The following KCNK10 variants were observed in gnomAD, a reference collection of about 807,000 sequenced individuals.
KCNK10 encodes the protein potassium channel subfamily K member 10.
A neutral mutation model predicts 47.7 loss-of-function variants in KCNK10; 25 were observed. That is an observed-to-expected ratio of 0.52 (90% CI 0.38 to 0.73). KCNK10 has a LOEUF of 0.73. Among genes scored for constraint, KCNK10 ranks in the 30% least tolerant of loss-of-function variants. The pLI is 0.00. For synonymous variants in KCNK10, 303 were observed against 285.6 expected, an observed-to-expected ratio of 1.06 and a Z score of -0.61; for missense variants, 563 against 714.5, an observed-to-expected ratio of 0.79 and a Z score of 2.42.
At chr14:88,234,485 C>T (rs753440825) in intron 3 of KCNK10, among the ~76,000 whole-genome samples, 8 of 152,208 alleles carry the variant, frequency 5.3e-5, no homozygotes, top group Non-Finnish European at 1.2e-4. Context: ...AAACCTGTGC[C>T]GCTAAACCAA....
chr14:88,251,748 C>G (rs1214653014), intron 2 of KCNK10, among the ~76,000 whole-genome samples: 1 of 152,230 alleles, frequency 6.6e-6, no homozygotes, highest in Non-Finnish European at 1.5e-5. Flanking sequence ...GAATCAGCAC[C>G]TGCGTGGTTT....
At chr14:88,310,559 G>A (rs1888306635) in intron 1 of KCNK10, among the ~76,000 whole-genome samples, 1 of 152,150 alleles carries the variant, frequency 6.6e-6, no homozygotes, top group African/African-American at 2.4e-5. Flanking sequence ...TGTCTGCTCT[G>A]CCTGTCTTTA....
rs1884367590 is a variant in KCNK10 at position 88,181,752 on chromosome 14, C to T, written c.*3783G>A. 1 of 152,202 alleles carries T rather than the reference C, an allele frequency of 6.6e-6. No homozygotes were observed. The highest frequency in any genetic ancestry group is 6.6e-5 in the Admixed American group (1 of 15,264). The allele number at this position is 152,202 out of a possible 1,614,324, so 9.4% of individuals were successfully genotyped here. A position where few individuals can be genotyped will look rare whatever the true frequency, so the allele number is the denominator to read the frequency against. Reference sequence around the variant, plus strand: ...AGCTCTCACCTTAACCTAAAATGGGCAAGACAATTAATTAGTCATTATTCA... The same window carrying T: ...AGCTCTCACCTTAACCTAAAATGGGTAAGACAATTAATTAGTCATTATTCA... On this transcript the variant is annotated 3_prime_UTR_variant, in exon 7 of 7. Transcript: ENST00000319231.
chr14:88,323,328 G>A (rs1368713559), upstream of KCNK10: 1 of 980,434 alleles, frequency 1.0e-6, no homozygotes, highest in Non-Finnish European at 1.2e-6. Context: ...CCCCGGCCGC[G>A]GCTCCTCGCC....
chr14:88,223,423 C>T (rs1419636356), intron 4 of KCNK10, among the ~76,000 whole-genome samples: 2 of 151,212 alleles, frequency 1.3e-5, no homozygotes, highest in Non-Finnish European at 2.9e-5. Context: ...CAATGAGCCT[C>T]TGTCTGTATG....
At chr14:88,303,933 G>A (rs1225829820) in intron 1 of KCNK10, among the ~76,000 whole-genome samples, 2 of 152,110 alleles carry the variant, frequency 1.3e-5, no homozygotes, top group Non-Finnish European at 2.9e-5. Context: ...TCTGGAGTAG[G>A]TATTCTGTCT....
At chr14:88,191,049 C>T (rs1884728845) in intron 5 of KCNK10, among the ~76,000 whole-genome samples, 1 of 152,026 alleles carries the variant, frequency 6.6e-6, no homozygotes, top group Non-Finnish European at 1.5e-5. Context: ...CCAGCTTGGG[C>T]AACATGGCTA....
At chr14:88,228,493 A>C (rs576119712) in intron 3 of KCNK10, among the ~76,000 whole-genome samples, 22 of 152,354 alleles carry the variant, frequency 1.4e-4, no homozygotes, top group Admixed American at 9.1e-4. Context: ...TTTTTGTGCC[A>C]ATTGATATTA....
intron 3 of KCNK10, among the ~76,000 whole-genome samples, chr14:88,231,054 C>A (rs888826436): frequency 1.3e-5 from 2 of 151,996 alleles, no homozygotes; most frequent in African/African-American, 4.8e-5. Context: ...GTGGGAGGAT[C>A]ACTTGAGGCC....
chr14:88,185,526 C>T lies in KCNK10; in HGVS notation c.*9G>A, dbSNP rs893220637. On this transcript the variant is annotated 3_prime_UTR_variant, in exon 7 of 7. Coordinates refer to ENST00000319231, the MANE Select transcript of KCNK10 (RefSeq NM_138317.3). This position sits in a 1 kb window ranked among gnomAD's most constrained non-coding sequence, Gnocchi z 4.3. ...ACAACGCTCAGTCCAAGACCAATGT[C>T]CTTCACATTTAGTTTCTGTCTTCAA... The T allele has an allele frequency of 1.2e-6, 2 of 1,610,122 alleles. No individual in the cohort carries two copies. Among genetic ancestry groups the T allele is most frequent in the Non-Finnish European group, 1.7e-6 (2 of 1,177,322 alleles).
At chr14:88,194,097 T>C (rs1177821278) in intron 4 of KCNK10, among the ~76,000 whole-genome samples, 1 of 152,224 alleles carries the variant, frequency 6.6e-6, no homozygotes, top group Non-Finnish European at 1.5e-5. Context: ...TGCTTTGATA[T>C]AGAAACCCTC....
At chr14:88,290,657 A>G (rs1887856340) in intron 1 of KCNK10, among the ~76,000 whole-genome samples, 1 of 152,166 alleles carries the variant, frequency 6.6e-6, no homozygotes, top group South Asian at 2.1e-4. Context: ...CAAAACTTAT[A>G]ACAGATGGAA....
intron 1 of KCNK10, among the ~76,000 whole-genome samples, chr14:88,267,374 T>C (rs985754031): frequency 2.0e-5 from 3 of 150,084 alleles, no homozygotes; most frequent in Admixed American, 2.0e-4. Context: ...TTTTTCTTTT[T>C]CTTTTTTTTT....
chr14:88,275,573 G>A (rs1887509000), intron 1 of KCNK10, among the ~76,000 whole-genome samples: 1 of 151,942 alleles, frequency 6.6e-6, no homozygotes, highest in Non-Finnish European at 1.5e-5. Context: ...GGATGGCCAG[G>A]CGCAGTGGCT....
Position 88,185,950 on chromosome 14 carries a change from G to T in KCNK10, c.1217C>A (p.Ala406Asp). 6.2e-7 allele frequency: 1 copy of T among 1,613,884 alleles called. No homozygotes were observed. The highest frequency in any genetic ancestry group is 8.5e-7 in the Non-Finnish European group (1 of 1,180,010). The change falls in exon 7 of 7, where the codon GCT becomes GAT. Residue 406 changes from alanine to aspartate, a missense_variant. Coordinates refer to ENST00000319231, the MANE Select transcript of KCNK10 (RefSeq NM_138317.3). The surrounding 1 kb of genome is among the most constrained non-coding windows in gnomAD (Gnocchi z 4.3). Reference protein sequence around the residue: ...MLSPEKRSVFAALDTGRFKAS... With the variant: ...MLSPEKRSVFDALDTGRFKAS... Reference sequence around the variant, plus strand: ...CTTGAAGCGGCCGGTGTCCAGGGCAGCAAAGACAGAGCGCTTCTCGGGGGA... The same window carrying T: ...CTTGAAGCGGCCGGTGTCCAGGGCATCAAAGACAGAGCGCTTCTCGGGGGA...
chr14:88,219,256 C>T (rs145410317), intron 4 of KCNK10, among the ~76,000 whole-genome samples: 4 of 152,296 alleles, frequency 2.6e-5, no homozygotes, highest in African/African-American at 4.8e-5. Flanking sequence ...TATACCAGTG[C>T]GCAACAATTT....
chr14:88,219,125 TC>T (rs1885715493), intron 4 of KCNK10, among the ~76,000 whole-genome samples: 1 of 151,894 alleles, frequency 6.6e-6, no homozygotes, highest in African/African-American at 2.4e-5. Context: ...AATCTATGAG[TC>T]TCACAATAGT....
intron 4 of KCNK10, among the ~76,000 whole-genome samples, chr14:88,226,488 A>G (rs545189388): frequency 3.9e-5 from 6 of 152,322 alleles, no homozygotes; most frequent in African/African-American, 1.4e-4. Context: ...TGTCATTTGT[A>G]AATATTAAGT....
chr14:88,259,908 T>C (rs927874798), intron 2 of KCNK10, among the ~76,000 whole-genome samples: 3 of 152,200 alleles, frequency 2.0e-5, no homozygotes, highest in Admixed American at 1.3e-4. Context: ...CTTGTGATAG[T>C]GAGTGAGTTC....
Sources: gnomAD v4.1 joint callset for allele counts (sites outside exome capture counted in the v4.1 genomes callset) on GRCh38, gnomAD v4.1.1 for gene constraint, Gnocchi (gnomAD v3.1) non-coding constraint, MANE v1.5 for transcripts, NCBI Gene and HGNC (gene_info 2026-07-23, HGNC 2026-07-21) for gene names.